The following RBFOX3 variants were observed in gnomAD, a reference collection of about 807,000 sequenced individuals.
RBFOX3 encodes RNA binding fox-1 homolog 3, also known as RNA binding protein fox-1 homolog 3.
In RBFOX3, 17 loss-of-function variants were observed where a neutral mutation model predicts 48.7. That is an observed-to-expected ratio of 0.35 (90% CI 0.24 to 0.52). The LOEUF (loss-of-function observed/expected upper bound fraction) is 0.52, where lower values mean the gene tolerates loss of function less well. Among genes scored for constraint, RBFOX3 ranks in the 20% least tolerant of loss-of-function variants. The pLI is 0.94. For missense variants in RBFOX3, 382 were observed against 497.5 expected (o/e 0.77, Z 2.21); for synonymous variants, 212 against 209.5 (o/e 1.01, Z -0.10).
At chr17:79,307,641 C>T (rs1247084712) in intron 3 of RBFOX3, 83 bp downstream of exon 3, 1 of 153,798 alleles carries the variant, frequency 6.5e-6, no homozygotes, top group Non-Finnish European at 1.5e-5. Flanking sequence ...GGCGGTGGGC[C>T]ACCCTGAGGC....
chr17:79,351,725 G>A (rs1485878583), intron 2 of RBFOX3, among the ~76,000 whole-genome samples: 2 of 152,204 alleles, frequency 1.3e-5, no homozygotes, highest in Non-Finnish European at 2.9e-5. Flanking sequence ...GATGTATCCT[G>A]GGTTTTAAAC....
chr17:79,607,773 C>A (rs892989383), intron 1 of RBFOX3, among the ~76,000 whole-genome samples: 3 of 152,212 alleles, frequency 2.0e-5, no homozygotes, highest in South Asian at 4.1e-4. Flanking sequence ...AGGGGAGAGG[C>A]AACAGGGCTG....
At chr17:79,652,026 A>G in the RBFOX3 span, among the ~76,000 whole-genome samples, 141,588 of 151,602 alleles carry the variant, frequency 0.93, 66,848 homozygotes, top group Non-Finnish European at 1. Context: ...CAGCCCTGGC[A>G]AACATATTGA....
chr17:79,461,614 C>A, intron 2 of RBFOX3, among the ~76,000 whole-genome samples: 1 of 152,238 alleles, frequency 6.6e-6, no homozygotes, highest in East Asian at 1.9e-4. Flanking sequence ...TCACTTACTG[C>A]AGTGGGTTGA....
At chr17:79,100,314 G>A (rs1417828341) in intron 9 of RBFOX3, 1 of 152,210 alleles carries the variant, frequency 6.6e-6, no homozygotes, top group Admixed American at 6.5e-5. Flanking sequence ...CCTGTGCCAA[G>A]TGCCAGATCA....
At position 79,311,107 on chromosome 17, in the gene RBFOX3, T is replaced by A. The variant is rs533885664; in HGVS notation, c.-174-3283A>T. 8.5e-5 allele frequency among the ~76,000 whole-genome samples: 13 copies of A among 152,244 alleles called. No individual in the cohort carries two copies. The East Asian group carries it at 2.3e-3, about 27-fold the overall frequency. The stretch of plus-strand genomic sequence containing the variant: ...GTTAAAAGGCCTTAACAGCAAAAAC[T>A]AAGGTTCCCTGGGGAAAACATTCTG... On this transcript the variant is annotated intron_variant, in intron 2 of 14. Coordinates refer to ENST00000693108, the MANE Select transcript of RBFOX3 (RefSeq NM_001350451.2). This position sits in a 1 kb window ranked among gnomAD's most constrained non-coding sequence, Gnocchi z 4.2.
At chr17:79,394,542 C>G (rs1450369011) in intron 2 of RBFOX3, among the ~76,000 whole-genome samples, 2 of 152,226 alleles carry the variant, frequency 1.3e-5, no homozygotes, top group African/African-American at 4.8e-5. Flanking sequence ...TCCATCCACT[C>G]CAGGACAGGA....
chr17:79,509,953 C>T (rs1351947894), intron 1 of RBFOX3, among the ~76,000 whole-genome samples: 3 of 152,244 alleles, frequency 2.0e-5, no homozygotes, highest in African/African-American at 7.2e-5. Context: ...AGAGGAGGCA[C>T]AACCAAATAT....
At chr17:79,639,639 A>C in the RBFOX3 span, among the ~76,000 whole-genome samples, 1 of 152,226 alleles carries the variant, frequency 6.6e-6, no homozygotes, top group Non-Finnish European at 1.5e-5. Flanking sequence ...AAAGGATTAT[A>C]CATTATGACC....
chr17:79,172,440 G>C (rs1328028393), intron 4 of RBFOX3, among the ~76,000 whole-genome samples: 1 of 152,206 alleles, frequency 6.6e-6, no homozygotes, highest in Non-Finnish European at 1.5e-5. Context: ...TCTGGTCTGA[G>C]GCCTGTGGTC....
intron 2 of RBFOX3, among the ~76,000 whole-genome samples, chr17:79,397,934 G>A (rs969142259): frequency 6.6e-6 from 1 of 152,124 alleles, no homozygotes; most frequent in African/African-American, 2.4e-5. Flanking sequence ...GTGAGACGCC[G>A]TCACGAATCT....
rs763099773 is a variant in RBFOX3, at chr17:79,362,887, C to T, written c.-174-55063G>A. ...GACCTCATTCTCGGACACTTCGAGG[C>T]CACACAGGTGTGAGAGGTCCCACTC... On this transcript the variant is annotated intron_variant, in intron 2 of 14. Coordinates refer to ENST00000693108, the MANE Select transcript of RBFOX3 (RefSeq NM_001350451.2). The surrounding 1 kb of genome is among the most constrained non-coding windows in gnomAD (Gnocchi z 4.2). Among the ~76,000 whole-genome samples the T allele has an allele frequency of 3.3e-5, 5 of 152,164 alleles. No homozygotes were observed. The highest frequency in any genetic ancestry group is 4.4e-5 in the Non-Finnish European group (3 of 68,020).
At chr17:79,402,509 G>A (rs1404607368) in intron 2 of RBFOX3, among the ~76,000 whole-genome samples, 1 of 152,230 alleles carries the variant, frequency 6.6e-6, no homozygotes, top group African/African-American at 2.4e-5. Context: ...CCCCTGAGAA[G>A]CTGTAGGGCT....
Position 79,220,613 on chromosome 17 carries a change from G to GTGTT in RBFOX3, c.-34+15152_-34+15153insAACA, listed in dbSNP as rs1202710480. ...CCCAGGGGAGGGTGTGTGTGTGTGT[G>GTGTT]TGTCGGGGGGACACAAAACCTTCCA... On this transcript the variant is annotated intron_variant, in intron 4 of 14. Transcript: ENST00000693108. This position sits in a 1 kb window ranked among gnomAD's most constrained non-coding sequence, Gnocchi z 5.9. Among the ~76,000 whole-genome samples the GTGTT allele has an allele frequency of 6.6e-6, 1 of 151,888 alleles. No homozygotes were observed. Among genetic ancestry groups the GTGTT allele is most frequent in the Non-Finnish European group, 1.5e-5 (1 of 67,982 alleles).
At chr17:79,250,079 G>A (rs2063712773) in intron 3 of RBFOX3, among the ~76,000 whole-genome samples, 1 of 152,174 alleles carries the variant, frequency 6.6e-6, no homozygotes, top group South Asian at 2.1e-4. Flanking sequence ...CGGATTCAGA[G>A]TTTCCACTGC....
rs759788089 is a variant in RBFOX3 at position 79,095,581 on chromosome 17, G to GGTAA, written c.937-11_937-8dup. On this transcript the variant is annotated splice_polypyrimidine_tract_variant and splice_region_variant and intron_variant, in intron 12 of 14. Coordinates refer to ENST00000693108, the MANE Select transcript of RBFOX3 (RefSeq NM_001350451.2). The stretch of plus-strand genomic sequence containing the variant: ...TGTAGGCTGCGTAGCCTCCCTGCAG[G>GGTAA]GTAAGTGGGAGGAGAGAGAGCAGAG... 3.9e-6 allele frequency: 6 copies of GGTAA among 1,550,754 alleles called. No individual in the cohort carries two copies. The East Asian group carries it at 7.3e-5, about 19-fold the overall frequency.
At position 79,390,162 on chromosome 17, in the gene RBFOX3, G is replaced by A. The variant is rs985765863; in HGVS notation, c.-174-82338C>T. Among the ~76,000 whole-genome samples, 3 of 152,224 alleles carry A rather than the reference G, an allele frequency of 2.0e-5. No homozygotes were observed. Among genetic ancestry groups the A allele is most frequent in the Admixed American group, 6.5e-5 (1 of 15,290 alleles). On this transcript the variant is annotated intron_variant, in intron 2 of 14. Coordinates refer to ENST00000693108, the MANE Select transcript of RBFOX3 (RefSeq NM_001350451.2). This position sits in a 1 kb window ranked among gnomAD's most constrained non-coding sequence, Gnocchi z 4.2. The stretch of plus-strand genomic sequence containing the variant: ...AGAGGAGGACCAGCAGCAGTGAAGG[G>A]CAAGTCCACAGAGTTCTGAGGTGTC...
intron 1 of RBFOX3, among the ~76,000 whole-genome samples, chr17:79,545,769 T>A (rs1412082101): frequency 6.6e-6 from 1 of 152,188 alleles, no homozygotes; most frequent in Non-Finnish European, 1.5e-5. Context: ...TTCACCACCC[T>A]GCTCCAGGTT....
intron 4 of RBFOX3, among the ~76,000 whole-genome samples, chr17:79,150,074 T>TGGGGAG (rs2044075052): frequency 9.6e-6 from 1 of 103,766 alleles, no homozygotes; most frequent in Non-Finnish European, 2.0e-5. Flanking sequence ...GGGTGGGGGT[T>TGGGGAG]TGGGGTGGAT....
Sources: gnomAD v4.1 joint callset for allele counts (sites outside exome capture counted in the v4.1 genomes callset) on GRCh38, gnomAD v4.1.1 for gene constraint, Gnocchi (gnomAD v3.1) non-coding constraint, MANE v1.5 for transcripts, NCBI Gene and HGNC (gene_info 2026-07-23, HGNC 2026-07-21) for gene names.